The following MTFR2 variants were observed in gnomAD, a reference collection of about 807,000 sequenced individuals.
MTFR2 encodes the protein mitochondrial fission regulator 2, also known as DUF729 domain-containing protein 1.
MTFR2 carries 44 observed loss-of-function variants against 41.2 expected under a neutral mutation model. That is an observed-to-expected ratio of 1.07 (90% CI 0.84 to 1.37). MTFR2 has a LOEUF of 1.37. MTFR2 is among the 40% of genes most tolerant of loss of function. The pLI is 0.00. For missense variants in MTFR2, 452 were observed against 459.5 expected (o/e 0.98, Z 0.15); for synonymous variants, 141 against 154.6 (o/e 0.91, Z 0.65).
In MTFR2 at chr6:136,231,405, A is replaced by AT; in HGVS notation, c.1045-18dup. The AT allele has an allele frequency of 6.8e-7, 1 of 1,468,086 alleles. No individual in the cohort carries two copies. Among genetic ancestry groups the AT allele is most frequent in the Non-Finnish European group, 9.4e-7 (1 of 1,061,652 alleles). The allele number at this position is 1,468,086 out of a possible 1,614,324, so 90.9% of individuals were successfully genotyped here. A position where few individuals can be genotyped will look rare whatever the true frequency, so the allele number is the denominator to read the frequency against. The stretch of plus-strand genomic sequence containing the variant: ...ATGTCCAAACTGAAATAAAGCAAAT[A>AT]TTTAACACAGAAATTATTCTAATGT... On this transcript the variant is annotated splice_polypyrimidine_tract_variant and intron_variant, in intron 7 of 7. Transcript: ENST00000420702.
intron 4 of MTFR2, 110 bp from the exon 5 acceptor site, chr6:136,241,786 A>C: frequency 8.3e-6 from 7 of 840,700 alleles, no homozygotes; most frequent in East Asian, 2.7e-5. Flanking sequence ...ACAAAATAAA[A>C]GCTACTCTCA....
rs764684181 is a variant in MTFR2, at chr6:136,249,040, T to C, written c.60A>G (p.Glu20=). The C allele has an allele frequency of 6.2e-7, 1 of 1,600,450 alleles. No homozygotes were observed. Among genetic ancestry groups the C allele is most frequent in the Non-Finnish European group, 8.5e-7 (1 of 1,176,440 alleles). The change falls in exon 2 of 8, where the codon GAA becomes GAG. Residue 20 remains glutamate (E), a synonymous_variant. Transcript: ENST00000420702. ...TCCAATCCAAAACGACATTTACCTG[T>C]TCTACAGGAACGCCAAAATATTCCA... ...EMLEYFGVPV[E]QVLLIWENKD...
chr6:136,245,632 GT>G (rs1283437255), intron 2 of MTFR2, among the ~76,000 whole-genome samples: 9 of 152,176 alleles, frequency 5.9e-5, no homozygotes. Flanking sequence ...GGTCTCAGCT[GT>G]TAAACAACAG....
At chr6:136,234,989 CAATT>C (rs1779867282) in intron 6 of MTFR2, among the ~76,000 whole-genome samples, 1 of 152,198 alleles carries the variant, frequency 6.6e-6, no homozygotes, top group South Asian at 2.1e-4. Flanking sequence ...CGGGCTCAAA[CAATT>C]AATTCTCCTG....
At chr6:136,233,185 C>A (rs1779811393) in intron 7 of MTFR2, 140 bp downstream of exon 7, 3 of 606,476 alleles carry the variant, frequency 4.9e-6, no homozygotes, top group African/African-American at 3.8e-5. Flanking sequence ...AAAAAAACCC[C>A]AGAAACATTA....
intron 5 of MTFR2, among the ~76,000 whole-genome samples, chr6:136,240,907 C>CAT (rs1562210882): frequency 6.6e-6 from 1 of 152,060 alleles, no homozygotes; most frequent in Non-Finnish European, 1.5e-5. Flanking sequence ...CTGGCTAACA[C>CAT]GGTGAAACCC....
At chr6:136,237,820 A>T (rs1323235836) in intron 6 of MTFR2, among the ~76,000 whole-genome samples, 1 of 152,172 alleles carries the variant, frequency 6.6e-6, no homozygotes, top group Non-Finnish European at 1.5e-5. Context: ...CATCTAAAAA[A>T]AAAAAAGAAT....
Position 136,250,271 on chromosome 6 carries a change from T to A in MTFR2, c.-350A>T, listed in dbSNP as rs1328018021. On this transcript the variant is annotated 5_prime_UTR_variant, in exon 1 of 8. Coordinates refer to ENST00000420702, the MANE Select transcript of MTFR2 (RefSeq NM_001099286.3). ...TGCGCCCAACCAACCCACCTGCTAG[T>A]CCCTAGGACCGGACTGCTACTTCCG... 1.3e-5 allele frequency: 2 copies of A among 152,566 alleles called. No homozygotes were observed. Among genetic ancestry groups the A allele is most frequent in the Non-Finnish European group, 2.9e-5 (2 of 68,434 alleles). 9.5% of individuals were successfully genotyped at this position (152,566 alleles called of 1,614,324 possible).
intron 6 of MTFR2, among the ~76,000 whole-genome samples, chr6:136,236,135 A>G (rs746671806): frequency 6.6e-6 from 1 of 152,216 alleles, no homozygotes; most frequent in Non-Finnish European, 1.5e-5. Flanking sequence ...TCAAGAATTC[A>G]TATCAGAAAG....
At chr6:136,234,898 ATTTGTT>A (rs1208320764) in intron 6 of MTFR2, among the ~76,000 whole-genome samples, 1 of 152,056 alleles carries the variant, frequency 6.6e-6, no homozygotes, top group Non-Finnish European at 1.5e-5. Flanking sequence ...ATTCCTAGAT[ATTTGTT>A]TTTGTTTTTT....
chr6:136,235,880 C>T (rs1308155357), intron 6 of MTFR2, among the ~76,000 whole-genome samples: 7 of 151,894 alleles, frequency 4.6e-5, no homozygotes, highest in East Asian at 1.9e-4. Flanking sequence ...TGCAGTGAGC[C>T]GAGATCACGC....
chr6:136,241,789 T>C (rs904266124), intron 4 of MTFR2, 113 bp from the exon 5 acceptor site: 2 of 842,690 alleles, frequency 2.4e-6, no homozygotes, highest in Admixed American at 2.9e-5. Flanking sequence ...AAATAAAAGC[T>C]ACTCTCAGGC....
In MTFR2 at chr6:136,239,512, C is replaced by T; in HGVS notation, c.823G>A (p.Asp275Asn). The T allele has an allele frequency of 6.2e-7, 1 of 1,614,084 alleles. No individual in the cohort carries two copies. Among genetic ancestry groups the T allele is most frequent in the Non-Finnish European group, 8.5e-7 (1 of 1,179,996 alleles). ...QRNKDIPNMLDVLKDMNKVKL... is the reference protein window; with the variant it reads ...QRNKDIPNMLNVLKDMNKVKL... ...ACCTTATTCATATCCTTTAGAACGT[C>T]CAACATGTTTGGAATATCTTTATTT... Residue 275 changes from aspartate to asparagine, a missense_variant, in exon 6 of 8, where the codon GAC becomes AAC. Asp to Asn is a conservative substitution (Grantham distance 23). Coordinates refer to ENST00000420702, the MANE Select transcript of MTFR2 (RefSeq NM_001099286.3).
rs1352838813 is a variant in MTFR2 at position 136,233,375 on chromosome 6, C to A, written c.994G>T (p.Glu332Ter). 2.5e-6 allele frequency: 4 copies of A among 1,612,214 alleles called. No individual in the cohort carries two copies. Among genetic ancestry groups the A allele is most frequent in the Non-Finnish European group, 8.5e-7 (1 of 1,178,962 alleles). The change falls in exon 7 of 8, where the codon GAG becomes TAG. Residue 332 changes from glutamate (E) to a stop codon, truncating the protein, a stop_gained. Coordinates refer to ENST00000420702, the MANE Select transcript of MTFR2 (RefSeq NM_001099286.3). LOFTEE classifies it high-confidence loss of function. The part of the protein sequence containing the change: ...AFQEDDSFEK[E>*]NRSWESSPFS... ...GGGGAAGATTCCCAAGATCTATTCTCTTTCTCAAAAGAATCATCTTCTTGA... is the reference window on the plus strand; with the variant it reads ...GGGGAAGATTCCCAAGATCTATTCTATTTCTCAAAAGAATCATCTTCTTGA...
chr6:136,241,356 T>C, intron 5 of MTFR2, 88 bp downstream of exon 5: 4 of 975,112 alleles, frequency 4.1e-6, no homozygotes, highest in Non-Finnish European at 6.1e-6. Context: ...ATACGTACTA[T>C]ATTCAGTACA....
At chr6:136,243,123 A>T (rs1780123906) in intron 3 of MTFR2, 150 bp from the exon 4 acceptor site, 1 of 500,312 alleles carries the variant, frequency 2.0e-6, no homozygotes, top group African/African-American at 2.0e-5. Context: ...AGCACGAAAG[A>T]ACACTGGGGA....
Position 136,239,621 on chromosome 6 carries a change from G to A in MTFR2, c.714C>T (p.Asp238=). 1 of 1,614,098 alleles carries A rather than the reference G, an allele frequency of 6.2e-7. No homozygotes were observed. ...PVQPGSNNIC[D]SDNPATEMSK... is the part of the protein sequence containing the mutation. ...TCATTTCAGTTGCTGGATTATCTGAGTCACAAATATTATTAGATCCTGGTT... is the reference window on the plus strand; with the variant it reads ...TCATTTCAGTTGCTGGATTATCTGAATCACAAATATTATTAGATCCTGGTT... The change falls in exon 6 of 8, where the codon GAC becomes GAT. Residue 238 remains aspartate (D), a synonymous_variant. Transcript: ENST00000420702.
intron 7 of MTFR2, among the ~76,000 whole-genome samples, chr6:136,232,821 T>C (rs2128456591): frequency 6.6e-6 from 1 of 152,354 alleles, no homozygotes; most frequent in East Asian, 1.9e-4. Flanking sequence ...ATCCAGTGTT[T>C]GTCATCCTAG....
intron 7 of MTFR2, among the ~76,000 whole-genome samples, chr6:136,231,669 TAAAAAAAAAAAA>T (rs71006791): frequency 0.012 from 986 of 82,944 alleles, 17 homozygotes; most frequent in Non-Finnish European, 0.015. Context: ...AAAAACTATG[TAAAAAAAAAAAA>T]AAAAAAAAAA....
Sources: allele counts gnomAD v4.1 joint callset (sites outside exome capture counted in the v4.1 genomes callset), GRCh38; gene constraint gnomAD v4.1.1; transcripts MANE v1.5; gene names NCBI Gene and HGNC (gene_info 2026-07-23, HGNC 2026-07-21).